The following CPEB1 variants were observed in gnomAD, a reference collection of about 807,000 sequenced individuals.
CPEB1 encodes cytoplasmic polyadenylation element-binding protein 1.
In CPEB1, 7 loss-of-function variants were observed where a neutral mutation model predicts 65.8. The ratio of observed to expected loss-of-function variants is 0.11; its 90% confidence interval spans 0.06 to 0.20. CPEB1 has a LOEUF of 0.20. Among genes scored for constraint, CPEB1 ranks in the 10% least tolerant of loss-of-function variants. CPEB1 has a pLI of 1.00. For missense variants in CPEB1, 551 were observed against 712.2 expected (o/e 0.77, Z 2.58); for synonymous variants, 262 against 260.0 (o/e 1.01, Z -0.08).
At chr15:82,641,997 T>G (rs1349564347) in intron 1 of CPEB1, among the ~76,000 whole-genome samples, 1 of 152,254 alleles carries the variant, frequency 6.6e-6, no homozygotes, top group Non-Finnish European at 1.5e-5. Context: ...ACTAACTTTT[T>G]ACAGCAAGTC....
intron 1 of CPEB1, chr15:82,640,743 G>C (rs1035400508): frequency 2.0e-5 from 3 of 151,982 alleles, no homozygotes; most frequent in Non-Finnish European, 2.9e-5. Flanking sequence ...CTAAAACTTG[G>C]GCACACAACA....
intron 3 of CPEB1, among the ~76,000 whole-genome samples, chr15:82,583,669 ACTT>A (rs10612504): frequency 0.13 from 19,908 of 152,178 alleles, 1,818 homozygotes; most frequent in African/African-American, 0.24. Context: ...AACTTCAGGT[ACTT>A]CTTATAAGTG....
chr15:82,562,098 G>A (rs1387533987), intron 4 of CPEB1: 2 of 418,134 alleles, frequency 4.8e-6, no homozygotes, highest in Non-Finnish European at 9.3e-6. Context: ...AAAAGTAACA[G>A]CTAATGAGTG....
At chr15:82,546,255 G>A (rs529553075) in intron 12 of CPEB1, among the ~76,000 whole-genome samples, 186 bp downstream of exon 12, 1 of 152,248 alleles carries the variant, frequency 6.6e-6, no homozygotes, top group Admixed American at 6.5e-5. Context: ...GATTACAGGC[G>A]CCTGCCACCA....
intron 3 of CPEB1, among the ~76,000 whole-genome samples, chr15:82,573,628 A>G (rs2040328535): frequency 6.6e-6 from 1 of 152,268 alleles, no homozygotes; most frequent in African/African-American, 2.4e-5. Context: ...GTGACTGTGC[A>G]TATGATTACC....
chr15:82,629,758 A>G, intron 1 of CPEB1: 1 of 985,454 alleles, frequency 1.0e-6, no homozygotes. Flanking sequence ...TGGTCACATC[A>G]AAACAAAACA....
chr15:82,561,961 C>T (rs1207923286), intron 4 of CPEB1, among the ~76,000 whole-genome samples: 1 of 152,160 alleles, frequency 6.6e-6, no homozygotes, highest in Non-Finnish European at 1.5e-5. Context: ...ACTTACTGAA[C>T]GTCTAGCACA....
chr15:82,576,601 T>C (rs951545245), intron 3 of CPEB1, among the ~76,000 whole-genome samples: 12 of 152,218 alleles, frequency 7.9e-5, no homozygotes, highest in Admixed American at 5.9e-4. Context: ...GTATTACAGG[T>C]GTTCACTTTG....
chr15:82,635,531 C>G (rs2046586820), intron 1 of CPEB1, among the ~76,000 whole-genome samples: 1 of 152,132 alleles, frequency 6.6e-6, no homozygotes, highest in Non-Finnish European at 1.5e-5. Context: ...CAGGTTGGTC[C>G]ATATGAAATT....
Position 82,571,336 on chromosome 15 carries a change from G to C in CPEB1, c.460+8C>G. 6.2e-7 allele frequency: 1 copy of C among 1,606,988 alleles called. No individual in the cohort carries two copies. ...CTTACCCCAGCCAACTCATTCTCTG[G>C]CACTCACCCGAGTGTGTGCTGCTCT... On this transcript the variant is annotated splice_region_variant and intron_variant, in intron 4 of 12. Coordinates refer to ENST00000684509, the MANE Select transcript of CPEB1 (RefSeq NM_001365242.1).
At chr15:82,556,167 T>G in intron 5 of CPEB1, 45 bp from the exon 6 acceptor site, 1 of 1,538,142 alleles carries the variant, frequency 6.5e-7, no homozygotes, top group Non-Finnish European at 8.7e-7. Context: ...GCTAGTTTTG[T>G]TATAAAGTAA....
At chr15:82,642,674 T>C (rs2151388850) in intron 1 of CPEB1, among the ~76,000 whole-genome samples, 1 of 152,324 alleles carries the variant, frequency 6.6e-6, no homozygotes, top group East Asian at 1.9e-4. Flanking sequence ...CCATAACTTC[T>C]AGGTGCAAAC....
In CPEB1 at chr15:82,553,950, G is replaced by A. The variant is rs372549710; in HGVS notation, c.982C>T (p.Pro328Ser). The A allele has an allele frequency of 1.8e-5, 29 of 1,611,830 alleles. No individual in the cohort carries two copies. Among genetic ancestry groups the A allele is most frequent in the Admixed American group, 5.0e-5 (3 of 59,450 alleles). Residue 328 changes from proline to serine, a missense_variant, in exon 7 of 13, where the codon CCC becomes TCC. By Grantham distance (74) the Pro-to-Ser change is moderately conservative. Around this residue, in one of 6 missense-constraint regions of CPEB1, gnomAD observed 128 missense variants for 129.1 expected, o/e 0.99. Transcript: ENST00000684509. Reference protein sequence around the residue: ...ATCTWSGQLPPRNYKNPIYSC... With the variant: ...ATCTWSGQLPSRNYKNPIYSC... Reference sequence around the variant, plus strand: ...TAGATGGGGTTCTTATAGTTCCGGGGAGGAAGCTGGCCACTCCAGGTACAG... The same window carrying A: ...TAGATGGGGTTCTTATAGTTCCGGGAAGGAAGCTGGCCACTCCAGGTACAG...
At chr15:82,577,390 A>T (rs1003674085) in intron 3 of CPEB1, among the ~76,000 whole-genome samples, 33 of 152,118 alleles carry the variant, frequency 2.2e-4, no homozygotes, top group South Asian at 1.0e-3. Flanking sequence ...AACTTAAAAA[A>T]TTTTTTTTTA....
chr15:82,544,362 G>T lies in CPEB1; in HGVS notation c.*230C>A. On this transcript the variant is annotated 3_prime_UTR_variant, in exon 13 of 13. Transcript: ENST00000684509. Reference sequence around the variant, plus strand: ...AACTACAGAGTCGCTTGGAGGGTAAGCCAGAGGGTCCTTGCCCTTGGTACA... The same window carrying T: ...AACTACAGAGTCGCTTGGAGGGTAATCCAGAGGGTCCTTGCCCTTGGTACA... 15 of 329,490 alleles carry T rather than the reference G, an allele frequency of 4.6e-5. No homozygotes were observed. Among genetic ancestry groups the T allele is most frequent in the East Asian group, 1.1e-4 (2 of 18,158 alleles). The allele number at this position is 329,490 out of a possible 1,614,324, so 20.4% of individuals were successfully genotyped here.
At chr15:82,574,231 C>T (rs1305007057) in intron 3 of CPEB1, among the ~76,000 whole-genome samples, 1 of 152,140 alleles carries the variant, frequency 6.6e-6, no homozygotes, top group Non-Finnish European at 1.5e-5. Flanking sequence ...TGTAGGATTT[C>T]TTCACTAGCT....
chr15:82,553,355 A>T, intron 8 of CPEB1, 112 bp downstream of exon 8: 1 of 759,946 alleles, frequency 1.3e-6, no homozygotes, highest in Non-Finnish European at 2.3e-6. Flanking sequence ...TGGAGTGCCC[A>T]CCATGTTACC....
chr15:82,626,181 A>AT (rs1259310562), intron 3 of CPEB1, among the ~76,000 whole-genome samples: 1 of 151,820 alleles, frequency 6.6e-6, no homozygotes, highest in Non-Finnish European at 1.5e-5. Flanking sequence ...CACACCTATA[A>AT]TCCCAGCACT....
chr15:82,642,220 T>C (rs2047171175), intron 1 of CPEB1, among the ~76,000 whole-genome samples: 1 of 152,114 alleles, frequency 6.6e-6, no homozygotes, highest in Non-Finnish European at 1.5e-5. Flanking sequence ...TTTCCAAAAC[T>C]GCAATGTTGG....
Sources: allele counts gnomAD v4.1 joint callset (sites outside exome capture counted in the v4.1 genomes callset), GRCh38; gene constraint gnomAD v4.1.1; regional missense constraint gnomAD v4.1.1; transcripts MANE v1.5; gene names NCBI Gene and HGNC (gene_info 2026-07-23, HGNC 2026-07-21).